FOXK2: variants seen among roughly 807,000 people sequenced by gnomAD.
FOXK2 encodes forkhead box K2, also known as forkhead box protein K2.
In FOXK2, 24 loss-of-function variants were observed where a neutral mutation model predicts 53.3. That is an observed-to-expected ratio of 0.45 (90% CI 0.33 to 0.63). The LOEUF (loss-of-function observed/expected upper bound fraction) is 0.63. FOXK2 is among the 30% of genes least tolerant of loss of function. The probability of loss-of-function intolerance (pLI) is 0.03; values close to 1 mark genes in which losing one functional copy is unlikely to be tolerated. For missense variants in FOXK2, 952 were observed against 910.5 expected (o/e 1.05, Z -0.59); for synonymous variants, 505 against 407.1 (o/e 1.24, Z -2.89).
At chr17:82,589,004 G>A (rs1330374799) in intron 8 of FOXK2, among the ~76,000 whole-genome samples, 1 of 151,830 alleles carries the variant, frequency 6.6e-6, no homozygotes, top group Non-Finnish European at 1.5e-5. Flanking sequence ...GTTCCAGTGA[G>A]ATGAGATCAT....
At chr17:82,547,149 A>G (rs1481369137) in intron 1 of FOXK2, among the ~76,000 whole-genome samples, 5 of 151,956 alleles carry the variant, frequency 3.3e-5, no homozygotes, top group Non-Finnish European at 7.4e-5. Flanking sequence ...ACTGTCTATT[A>G]CTACTGATTT....
At position 82,546,113 on chromosome 17, in the gene FOXK2, G is replaced by GTT. The variant is rs1282305641; in HGVS notation, c.420-17241_420-17240insTT. Among the ~76,000 whole-genome samples the GTT allele has an allele frequency of 1.1e-3, 109 of 97,950 alleles. 3 individuals are homozygous for GTT. In the East Asian group the frequency reaches 0.022, roughly 20 times the overall value. The allele number at this position is 97,950 out of a possible 152,430, so 64.3% of individuals were successfully genotyped here. ...TGCTTACTTGCTACCAAGCATGGTT[G>GTT]GTTTTTTTTTTTTTTTTTTTTGAGA... On this transcript the variant is annotated intron_variant, in intron 1 of 8. Transcript: ENST00000335255.
At chr17:82,598,934 C>G (rs1331837677) in intron 8 of FOXK2, 1 of 152,224 alleles carries the variant, frequency 6.6e-6, no homozygotes, top group African/African-American at 2.4e-5. Flanking sequence ...TGAGAGGGTG[C>G]CGACCTAACA....
At chr17:82,561,998 G>A (rs961320762) in intron 1 of FOXK2, among the ~76,000 whole-genome samples, 4 of 152,182 alleles carry the variant, frequency 2.6e-5, no homozygotes, top group Non-Finnish European at 4.4e-5. Flanking sequence ...GAGTGTGGCC[G>A]GCCACTTGTT....
rs1019895928 is a variant in FOXK2 at position 82,604,285 on chromosome 17, C to T, written c.*2786C>T. 1.3e-5 allele frequency: 2 copies of T among 152,388 alleles called. No homozygotes were observed. The highest frequency in any genetic ancestry group is 6.5e-5 in the Admixed American group (1 of 15,276). 9.4% of individuals were successfully genotyped at this position (152,388 alleles called of 1,614,324 possible). A position where few individuals can be genotyped will look rare whatever the true frequency, so the allele number is the denominator to read the frequency against. ...CGTGGTGCACTCAGAGTGTGTGCGGCATGATCCTCGGTTGCTCCTCCTCTC... is the reference window on the plus strand; with the variant it reads ...CGTGGTGCACTCAGAGTGTGTGCGGTATGATCCTCGGTTGCTCCTCCTCTC... On this transcript the variant is annotated 3_prime_UTR_variant, in exon 9 of 9. Transcript: ENST00000335255.
Position 82,587,245 on chromosome 17 carries a change from A to G in FOXK2, c.1759A>G (p.Thr587Ala), listed in dbSNP as rs1401158899. 1.2e-6 allele frequency: 2 copies of G among 1,612,924 alleles called. No individual in the cohort carries two copies. The highest frequency in any genetic ancestry group is 2.2e-5 in the East Asian group (1 of 44,886). Residue 587 changes from threonine (T) to alanine (A), a missense_variant, in exon 8 of 9, where the codon ACT becomes GCT. Coordinates refer to ENST00000335255, the MANE Select transcript of FOXK2 (RefSeq NM_004514.4). ...CGGCACTCACGTGGCATCAGTCCCC[A>G]CTGCGGTCCACGGCCAGGTGAACAA... Reference protein sequence around the residue: ...QNGTHVASVPTAVHGQVNNAA... With the variant: ...QNGTHVASVPAAVHGQVNNAA...
rs138960969 is a variant in FOXK2 at position 82,584,184 on chromosome 17, C to T, written c.1275C>T (p.Ala425=). ...AGGAAGCCCGGTTTGCCCAGAGCGC[C>T]CCAGGTGAGACAGCGGGAGAGGAAG... The part of the protein sequence containing the change: ...VIQEARFAQS[A]PGSPLSSQPV... Residue 425 remains alanine, a synonymous_variant, in exon 6 of 9, where the codon GCC becomes GCT. Transcript: ENST00000335255. 1.1e-4 allele frequency: 179 copies of T among 1,594,726 alleles called. 1 individual carries two copies. The African/African-American group carries it at 2.2e-3, about 20-fold the overall frequency.
intron 1 of FOXK2, among the ~76,000 whole-genome samples, chr17:82,527,753 C>T (rs1488510805): frequency 2.6e-5 from 4 of 152,204 alleles, no homozygotes; most frequent in African/African-American, 9.6e-5. Context: ...AACCAACTTA[C>T]TTCTGCCTCA....
At chr17:82,598,184 A>C (rs1181271191) in intron 8 of FOXK2, among the ~76,000 whole-genome samples, 2 of 152,320 alleles carry the variant, frequency 1.3e-5, no homozygotes, top group East Asian at 3.9e-4. Flanking sequence ...CCTTCTGTCT[A>C]GCTGTCGTTT....
chr17:82,577,441 T>C (rs1305979831), intron 4 of FOXK2: 2 of 384,758 alleles, frequency 5.2e-6, no homozygotes, highest in East Asian at 5.1e-5. Flanking sequence ...CCAACCTGCA[T>C]GCAGGGCGTG....
intron 1 of FOXK2, among the ~76,000 whole-genome samples, chr17:82,550,971 G>A (rs1025144211): frequency 5.3e-5 from 8 of 152,182 alleles, no homozygotes; most frequent in Non-Finnish European, 1.0e-4. Flanking sequence ...GTACTGAGCC[G>A]GGTCGTTAGG....
intron 4 of FOXK2, among the ~76,000 whole-genome samples, chr17:82,579,475 G>A (rs990602916): frequency 1.3e-5 from 2 of 151,760 alleles, no homozygotes; most frequent in Admixed American, 6.6e-5. Context: ...CGCCCATGAA[G>A]TAGCTCCATC....
At chr17:82,550,040 C>T (rs144926196) in intron 1 of FOXK2, among the ~76,000 whole-genome samples, 13 of 152,116 alleles carry the variant, frequency 8.5e-5, no homozygotes, top group Admixed American at 3.3e-4. Context: ...CCCATCTCTA[C>T]AAAAACAAAA....
rs143418448 is a variant in FOXK2 at position 82,586,191 on chromosome 17, G to A, written c.1567G>A (p.Glu523Lys). 1.6e-5 allele frequency: 25 copies of A among 1,591,390 alleles called. No homozygotes were observed. Among genetic ancestry groups the A allele is most frequent in the Non-Finnish European group, 1.9e-5 (22 of 1,171,592 alleles). Residue 523 changes from glutamate (E) to lysine (K), a missense_variant, in exon 7 of 9, where the codon GAA becomes AAA. Glu to Lys is a moderately conservative substitution (Grantham distance 56). Around this residue, in one of 5 missense-constraint regions of FOXK2, gnomAD observed 551 missense variants for 385.1 expected, o/e 1.43. Transcript: ENST00000335255. ...GGCCCAGGAGAATGGAGACCACAGG[G>A]AAGTCAAAGGTAGGCGGAGGGGAAA... ...AEAQENGDHREVKVKVEPIPA... is the reference protein window; with the variant it reads ...AEAQENGDHRKVKVKVEPIPA...
intron 2 of FOXK2, among the ~76,000 whole-genome samples, chr17:82,564,514 A>ACG: frequency 6.6e-6 from 1 of 151,970 alleles, no homozygotes; most frequent in South Asian, 2.1e-4. Flanking sequence ...GGGACAACAG[A>ACG]TGTGCTCCAC....
intron 7 of FOXK2, among the ~76,000 whole-genome samples, chr17:82,586,429 ACAGGGAG>A (rs2045161233): frequency 8.9e-6 from 1 of 111,980 alleles, no homozygotes; most frequent in Non-Finnish European, 1.7e-5. Flanking sequence ...AGGGGAGACC[ACAGGGAG>A]GTCAAAGGTG....
In FOXK2 at chr17:82,565,005, C is replaced by T. The variant is rs535033690; in HGVS notation, c.614+1457C>T. On this transcript the variant is annotated intron_variant, in intron 2 of 8. Coordinates refer to ENST00000335255, the MANE Select transcript of FOXK2 (RefSeq NM_004514.4). ...TCGGCCTCCCAAAGTGCTGGGATTA[C>T]AGGCGTGAGCCACCACGCCTGGCCT... 3.9e-5 allele frequency among the ~76,000 whole-genome samples: 6 copies of T among 152,256 alleles called. No homozygotes were observed. In the East Asian group the frequency reaches 5.8e-4, roughly 15 times the overall value.
chr17:82,522,562 G>A (rs1329288022), intron 1 of FOXK2, among the ~76,000 whole-genome samples: 8 of 151,288 alleles, frequency 5.3e-5, no homozygotes, highest in African/African-American at 1.7e-4. Flanking sequence ...TAGTAGAGAC[G>A]GGGTTTCACC....
chr17:82,529,732 CG>C (rs993509261), intron 1 of FOXK2, among the ~76,000 whole-genome samples: 4 of 152,088 alleles, frequency 2.6e-5, no homozygotes, highest in African/African-American at 7.2e-5. Context: ...AGACTCATTG[CG>C]GAGTCACTAG....
Sources: allele counts gnomAD v4.1 joint callset (sites outside exome capture counted in the v4.1 genomes callset), GRCh38; gene constraint gnomAD v4.1.1; regional missense constraint gnomAD v4.1.1; transcripts MANE v1.5; gene names NCBI Gene and HGNC (gene_info 2026-07-23, HGNC 2026-07-21).